The following CEP290 variants were observed in gnomAD, a reference collection of about 807,000 sequenced individuals.
CEP290 encodes the protein centrosomal protein of 290 kDa.
In CEP290, 317 loss-of-function variants were observed where a neutral mutation model predicts 344.9. That is an observed-to-expected ratio of 0.92 (90% confidence interval 0.84 to 1.01). CEP290 has a LOEUF of 1.01. CEP290 is among the 50% of genes least tolerant of loss of function. CEP290 has a pLI of 0.00. For synonymous variants in CEP290, 932 were observed against 895.8 expected, an observed-to-expected ratio of 1.04 and a Z score of -0.72; for missense variants, 2,754 against 2,761.4, an observed-to-expected ratio of 1.00 and a Z score of 0.06.
chr12:88,115,069 C>T (rs2137793731), intron 19 of CEP290, 29 bp downstream of exon 19: 1 of 1,187,964 alleles, frequency 8.4e-7, no homozygotes, highest in Non-Finnish European at 1.2e-6. Flanking sequence ...AAAATAAGAA[C>T]AGAAAAGTAA....
At chr12:88,055,445 G>T in intron 50 of CEP290, 131 bp downstream of exon 50, 1 of 673,814 alleles carries the variant, frequency 1.5e-6, no homozygotes. Flanking sequence ...AAGCAAATGG[G>T]TGAATGGGGT....
intron 29 of CEP290, 35 bp from the exon 30 acceptor site, chr12:88,090,874 G>A (rs1485236923): frequency 7.5e-7 from 1 of 1,332,474 alleles, no homozygotes; most frequent in Non-Finnish European, 1.0e-6. Context: ...GAACAATTAA[G>A]TACACTTTCT....
chr12:88,062,524 T>C (rs2034556135), intron 46 of CEP290, among the ~76,000 whole-genome samples, 168 bp downstream of exon 46: 1 of 152,166 alleles, frequency 6.6e-6, no homozygotes, highest in African/African-American at 2.4e-5. Flanking sequence ...TAAAATACTT[T>C]GAGACACATA....
rs779867970 is a variant in CEP290, at chr12:88,141,250, G to A, written c.58C>T (p.Arg20Cys). The change falls in exon 2 of 54, where the codon CGT (arginine) becomes TGT (cysteine). Residue 20 changes from arginine (R) to cysteine (C), a missense_variant. Transcript: ENST00000552810. ...AAATTATCTGCCAGTTCTTCTTGAC[G>A]GGGCAGGTCATCTGGGTCAACTTTC... ...IMKVDPDDLP[R>C]QEELADNLLI... is the part of the protein sequence containing the mutation. 5.6e-6 allele frequency: 9 copies of A among 1,610,538 alleles called. No homozygotes were observed. Among genetic ancestry groups the A allele is most frequent in the South Asian group, 1.1e-5 (1 of 89,912 alleles).
chr12:88,077,160 T>C (rs2035839666), intron 41 of CEP290, 62 bp downstream of exon 41: 1 of 1,484,744 alleles, frequency 6.7e-7, no homozygotes, highest in South Asian at 1.3e-5. Context: ...GTTAATCAGC[T>C]ATGTATTTAA....
At chr12:88,099,651 A>C (rs1472881952) in intron 26 of CEP290, among the ~76,000 whole-genome samples, 1 of 152,180 alleles carries the variant, frequency 6.6e-6, no homozygotes, top group South Asian at 2.1e-4. Context: ...TGAGACTAAA[A>C]AGAGGACATG....
At chr12:88,082,459 G>A (rs759978112) in intron 37 of CEP290, among the ~76,000 whole-genome samples, 4 of 152,128 alleles carry the variant, frequency 2.6e-5, no homozygotes, top group African/African-American at 7.2e-5. Context: ...TTGGGAGGCC[G>A]AAGTGGGCGG....
chr12:88,071,450 C>A lies in CEP290; in HGVS notation c.5856-1G>T. 1 of 1,596,348 alleles carries A rather than the reference C, an allele frequency of 6.3e-7. No individual in the cohort carries two copies. The highest frequency in any genetic ancestry group is 8.5e-7 in the Non-Finnish European group (1 of 1,175,050). On this transcript the variant is annotated splice_acceptor_variant, in intron 42 of 53. Coordinates refer to ENST00000552810, the MANE Select transcript of CEP290 (RefSeq NM_025114.4). LOFTEE classifies it high-confidence loss of function. ...CAAAGTAAGTTTCTCTTTATCGGCTCTGTGGAATTTAATATAGAATCATGA... is the reference window on the plus strand; with the variant it reads ...CAAAGTAAGTTTCTCTTTATCGGCTATGTGGAATTTAATATAGAATCATGA...
Position 88,097,014 on chromosome 12 carries a change from A to C in CEP290, c.2992-15T>G, listed in dbSNP as rs2037480731. ...ATGTTTTCACACTGAATAAAGGAAA[A>C]ATATCACTAAGAAACTACATTGTAA... On this transcript the variant is annotated splice_polypyrimidine_tract_variant and intron_variant, in intron 26 of 53. Coordinates refer to ENST00000552810, the MANE Select transcript of CEP290 (RefSeq NM_025114.4). 1 of 1,281,992 alleles carries C rather than the reference A, an allele frequency of 7.8e-7. No homozygotes were observed. Among genetic ancestry groups the C allele is most frequent in the East Asian group, 2.5e-5 (1 of 39,728 alleles). 79.4% of individuals were successfully genotyped at this position (1,281,992 alleles called of 1,614,324 possible).
In CEP290 at chr12:88,077,892, A is replaced by G. The variant is rs1034544936; in HGVS notation, c.5391T>C (p.Asn1797=). 1.5e-6 allele frequency: 2 copies of G among 1,357,618 alleles called. No individual in the cohort carries two copies. 84.1% of individuals were successfully genotyped at this position (1,357,618 alleles called of 1,614,324 possible). A position where few individuals can be genotyped will look rare whatever the true frequency, so the allele number is the denominator to read the frequency against. Residue 1797 remains asparagine, a synonymous_variant, in exon 40 of 54, where the codon AAT becomes AAC. Transcript: ENST00000552810. ...TAAGTGCTTCTTTCAATTTTAAAAG[A>G]TTTTCATTTAAATCTTCAACTTGTG... ...LKTQVEDLNE[N]LLKLKEALKT... is the part of the protein sequence containing the mutation.
In CEP290 at chr12:88,102,945, G is replaced by T; in HGVS notation, c.2884C>A (p.Leu962Ile). 6.3e-7 allele frequency: 1 copy of T among 1,599,460 alleles called. No individual in the cohort carries two copies. The highest frequency in any genetic ancestry group is 1.7e-4 in the Middle Eastern group (1 of 6,020). Residue 962 changes from leucine (L) to isoleucine (I), a missense_variant, in exon 26 of 54, where the codon CTA becomes ATA. Leu to Ile is a conservative substitution (Grantham distance 5). Transcript: ENST00000552810. ...VVDNSVSLSE[L>I]ELANKQYNEL... ...TTGTACTGTTTATTAGCCAGTTCTA[G>T]TTCAGACAAAGAAACACTATTATCT... is the stretch of plus-strand genomic sequence containing the variant.
At chr12:88,118,417 A>T in intron 17 of CEP290, 66 bp downstream of exon 17, 1 of 1,272,664 alleles carries the variant, frequency 7.9e-7, no homozygotes, top group Non-Finnish European at 1.1e-6. Context: ...AGACACAAAT[A>T]ATTTCATATC....
At chr12:88,052,969 C>T (rs2033682728) in intron 52 of CEP290, among the ~76,000 whole-genome samples, 1 of 152,048 alleles carries the variant, frequency 6.6e-6, no homozygotes, top group African/African-American at 2.4e-5. Flanking sequence ...CTGCTGGGGA[C>T]ATGTAGGTTG....
chr12:88,077,608 C>T lies in CEP290; in HGVS notation c.5586+89G>A, dbSNP rs190129636. The T allele has an allele frequency of 4.7e-6, 4 of 854,868 alleles. No individual in the cohort carries two copies. In the East Asian group the frequency reaches 1.1e-4, roughly 23 times the overall value. 53.0% of individuals were successfully genotyped at this position (854,868 alleles called of 1,614,324 possible). A position where few individuals can be genotyped will look rare whatever the true frequency, so the allele number is the denominator to read the frequency against. On this transcript the variant is annotated intron_variant, in intron 40 of 53. Coordinates refer to ENST00000552810, the MANE Select transcript of CEP290 (RefSeq NM_025114.4). The stretch of plus-strand genomic sequence containing the variant: ...AAAGTGATTTGAAAGTCAGTTTTAA[C>T]AAATACCATAGATAAAATGATAAAG...
Position 88,071,380 on chromosome 12 carries a change from C to T in CEP290, c.5925G>A (p.Leu1975=). 1 of 1,612,032 alleles carries T rather than the reference C, an allele frequency of 6.2e-7. No homozygotes were observed. Among genetic ancestry groups the T allele is most frequent in the South Asian group, 1.1e-5 (1 of 90,762 alleles). Residue 1975 remains leucine (L), a synonymous_variant, in exon 43 of 54, where the codon TTG becomes TTA. Coordinates refer to ENST00000552810, the MANE Select transcript of CEP290 (RefSeq NM_025114.4). ...TTTCTGACTCCAAAGCTCGTATTCCCAAAACCTGATCAACAGTCATGCCAG... is the reference window on the plus strand; with the variant it reads ...TTTCTGACTCCAAAGCTCGTATTCCTAAAACCTGATCAACAGTCATGCCAG... ...KTTGMTVDQV[L]GIRALESEKE...
intron 14 of CEP290, 63 bp downstream of exon 14, chr12:88,120,934 G>C: frequency 7.1e-7 from 1 of 1,414,926 alleles, no homozygotes. Context: ...AAATAGCACA[G>C]AATAGTCTGT....
At chr12:88,101,480 CAAAAAAAAAA>C (rs762783922) in intron 26 of CEP290, among the ~76,000 whole-genome samples, 4 of 44,268 alleles carry the variant, frequency 9.0e-5, no homozygotes, top group South Asian at 6.6e-4. Flanking sequence ...GACTCTGCCT[CAAAAAAAAAA>C]AAAAAAAAAA....
intron 49 of CEP290, 136 bp from the exon 50 acceptor site, chr12:88,055,853 A>T: frequency 1.5e-6 from 1 of 653,122 alleles, no homozygotes; most frequent in Non-Finnish European, 2.4e-6. Flanking sequence ...AGTTTTAGCT[A>T]CATATTTATT....
intron 1 of CEP290, among the ~76,000 whole-genome samples, chr12:88,141,615 T>TA (rs1329087072): frequency 1.3e-5 from 2 of 151,952 alleles, no homozygotes; most frequent in Non-Finnish European, 2.9e-5. Flanking sequence ...TCCACACCCC[T>TA]ACCCACAATG....
Sources: allele counts gnomAD v4.1 joint callset (sites outside exome capture counted in the v4.1 genomes callset), GRCh38; gene constraint gnomAD v4.1.1; transcripts MANE v1.5; gene names NCBI Gene and HGNC (gene_info 2026-07-23, HGNC 2026-07-21).